The following ZNF280D variants were observed in gnomAD, a reference collection of about 807,000 sequenced individuals.
ZNF280D encodes the protein zinc finger protein 280D, also known as suppressor of hairy wing homolog 4.
ZNF280D carries 39 observed loss-of-function variants against 94.7 expected under a neutral mutation model. The ratio of observed to expected loss-of-function variants is 0.41; its 90% CI spans 0.32 to 0.54. The LOEUF (loss-of-function observed/expected upper bound fraction) is 0.54, where lower values mean the gene tolerates loss of function less well. ZNF280D is among the 20% of genes least tolerant of loss of function. The pLI, the probability that ZNF280D is intolerant of heterozygous loss-of-function variation, is 0.22. For missense variants in ZNF280D, 1,090 were observed against 1,149.3 expected (o/e 0.95, Z 0.75); for synonymous variants, 398 against 377.6 (o/e 1.05, Z -0.63).
chr15:56,646,700 AAGG>A (rs1214682761), intron 19 of ZNF280D, among the ~76,000 whole-genome samples: 2 of 152,172 alleles, frequency 1.3e-5, no homozygotes, highest in African/African-American at 4.8e-5. Context: ...CTCTCCTCTC[AAGG>A]AGTTCACTGT....
At chr15:56,639,867 G>A (rs1182334535) in intron 20 of ZNF280D, among the ~76,000 whole-genome samples, 2 of 152,038 alleles carry the variant, frequency 1.3e-5, no homozygotes, top group Non-Finnish European at 1.5e-5. Flanking sequence ...GGATAATCTT[G>A]ACATAACAAA....
chr15:56,632,140 T>C lies in ZNF280D; in HGVS notation c.2316-18A>G. On this transcript the variant is annotated intron_variant, in intron 21 of 21. Transcript: ENST00000267807. ...CTTGTTTACTGAAAAATAAAGTCAT[T>C]TATTATGTATTTCTTCATAAAGCAA... 8 of 1,517,632 alleles carry C rather than the reference T, an allele frequency of 5.3e-6. No homozygotes were observed. The highest frequency in any genetic ancestry group is 7.0e-6 in the Non-Finnish European group (8 of 1,134,758). The allele number at this position is 1,517,632 out of a possible 1,614,324, so 94.0% of individuals were successfully genotyped here. A position where few individuals can be genotyped will look rare whatever the true frequency, so the allele number is the denominator to read the frequency against.
At chr15:56,679,983 A>C (rs1318204774) in intron 10 of ZNF280D, among the ~76,000 whole-genome samples, 1 of 152,110 alleles carries the variant, frequency 6.6e-6, no homozygotes, top group African/African-American at 2.4e-5. Context: ...TCAGCACTTA[A>C]AGTCTATTAA....
intron 16 of ZNF280D, among the ~76,000 whole-genome samples, chr15:56,661,807 A>G (rs887489273): frequency 6.6e-6 from 1 of 152,220 alleles, no homozygotes; most frequent in African/African-American, 2.4e-5. Flanking sequence ...ATTAATAGCT[A>G]TCATTACTTG....
chr15:56,683,583 T>A (rs1192623196), intron 9 of ZNF280D, among the ~76,000 whole-genome samples: 1 of 152,190 alleles, frequency 6.6e-6, no homozygotes, highest in Non-Finnish European at 1.5e-5. Flanking sequence ...TCAGGCACCA[T>A]CTATCTATCA....
intron 9 of ZNF280D, among the ~76,000 whole-genome samples, chr15:56,682,945 T>C (rs567516684): frequency 1.1e-4 from 16 of 152,016 alleles, no homozygotes; most frequent in Non-Finnish European, 2.2e-4. Flanking sequence ...AATTATATAA[T>C]ATAGAATAGG....
At chr15:56,707,013 T>C (rs1481357660) in intron 3 of ZNF280D, 69 bp downstream of exon 3, 4 of 1,478,808 alleles carry the variant, frequency 2.7e-6, no homozygotes, top group Non-Finnish European at 3.8e-6. Context: ...CCAACTTTCA[T>C]CCTTTCTCCT....
In ZNF280D at chr15:56,631,740, T is replaced by A. The variant is rs1410310326; in HGVS notation, c.2698A>T (p.Arg900Ter). Residue 900 changes from arginine (R) to a stop codon, truncating the protein, a stop_gained, in exon 22 of 22, where the codon AGA becomes TGA. Coordinates refer to ENST00000267807, the MANE Select transcript of ZNF280D (RefSeq NM_017661.4). LOFTEE classifies it high-confidence loss of function. ...NVSIDQFLRK[R>*]HEPESVSSDV... ...GAACTAACAGATTCAGGTTCATGTC[T>A]TTTTCTCAAAAACTGATCAATGCTT... 6.2e-7 allele frequency: 1 copy of A among 1,614,164 alleles called. No individual in the cohort carries two copies. Among genetic ancestry groups the A allele is most frequent in the East Asian group, 2.2e-5 (1 of 44,872 alleles).
At position 56,663,448 on chromosome 15, in the gene ZNF280D, TC is replaced by T. The variant is rs1474019682; in HGVS notation, c.1994+2946del. ...TTAGTACGGGATAGGAATTAAAGGT[TC>T]TCATGCTTTGGAGAAAATCAGGCTT... On this transcript the variant is annotated intron_variant, in intron 16 of 21. Transcript: ENST00000267807. Among the ~76,000 whole-genome samples the T allele has an allele frequency of 3.9e-5, 6 of 152,134 alleles. No individual in the cohort carries two copies. In the East Asian group the frequency reaches 1.2e-3, roughly 29 times the overall value.
At chr15:56,671,109 T>C (rs1175779917) in intron 13 of ZNF280D, among the ~76,000 whole-genome samples, 5 of 152,150 alleles carry the variant, frequency 3.3e-5, no homozygotes, top group Admixed American at 1.3e-4. Context: ...AAAAATTTTC[T>C]CCCATTCTGT....
At chr15:56,727,898 C>T (rs572484204) in intron 1 of ZNF280D, among the ~76,000 whole-genome samples, 2 of 152,236 alleles carry the variant, frequency 1.3e-5, no homozygotes, top group African/African-American at 2.4e-5. Flanking sequence ...AAAGGAAATA[C>T]GGCATTCTCA....
At chr15:56,679,501 C>G (rs1041334396) in intron 10 of ZNF280D, among the ~76,000 whole-genome samples, 3 of 152,188 alleles carry the variant, frequency 2.0e-5, no homozygotes, top group African/African-American at 7.2e-5. Flanking sequence ...AGGCAACATA[C>G]ATTTTTCAGT....
chr15:56,642,557 T>C (rs546742789), intron 20 of ZNF280D, among the ~76,000 whole-genome samples: 19 of 151,846 alleles, frequency 1.3e-4, no homozygotes, highest in Admixed American at 5.9e-4. Context: ...AAAATATTTC[T>C]ATTTTAAAAA....
chr15:56,660,713 A>G (rs1487595348), intron 16 of ZNF280D, among the ~76,000 whole-genome samples: 2 of 152,182 alleles, frequency 1.3e-5, no homozygotes, highest in Non-Finnish European at 1.5e-5. Context: ...AGCTGACAGT[A>G]TATAATTATC....
chr15:56,701,351 C>G (rs1379560794), intron 4 of ZNF280D, 113 bp from the exon 5 acceptor site: 1 of 690,000 alleles, frequency 1.4e-6, no homozygotes, highest in African/African-American at 1.8e-5. Flanking sequence ...GAGTATATAA[C>G]TAATCACTGA....
chr15:56,643,590 A>T (rs2052731943), intron 19 of ZNF280D, among the ~76,000 whole-genome samples: 1 of 151,848 alleles, frequency 6.6e-6, no homozygotes, highest in African/African-American at 2.4e-5. Flanking sequence ...AATATTAATT[A>T]TAACTTATTA....
At chr15:56,729,900 T>G (rs1255674598) in intron 1 of ZNF280D, 1 of 152,244 alleles carries the variant, frequency 6.6e-6, no homozygotes, top group Non-Finnish European at 1.5e-5. Flanking sequence ...GTATATTTGT[T>G]GTAGGAGTGT....
chr15:56,677,080 G>A lies in ZNF280D; in HGVS notation c.1264-264C>T, dbSNP rs372058191. 2.6e-4 allele frequency among the ~76,000 whole-genome samples: 39 copies of A among 152,186 alleles called. 1 individual carries two copies. The South Asian group carries it at 6.6e-3, about 26-fold the overall frequency. On this transcript the variant is annotated intron_variant, in intron 12 of 21. Coordinates refer to ENST00000267807, the MANE Select transcript of ZNF280D (RefSeq NM_017661.4). ...CAGATCTTTTTATCTATCACCTTCT[G>A]TCTTGACTTGAAGTTTCAAGCTTTA...
chr15:56,654,408 G>C lies in ZNF280D; in HGVS notation c.2153C>G (p.Thr718Ser). The change falls in exon 18 of 22, where the codon ACT becomes AGT. Residue 718 changes from threonine (T) to serine (S), a missense_variant. By Grantham distance (58) the Thr-to-Ser change is moderately conservative. Coordinates refer to ENST00000267807, the MANE Select transcript of ZNF280D (RefSeq NM_017661.4). The part of the protein sequence containing the change: ...ATHLSQHKTH[T>S]CQVVMQKVSV... The stretch of plus-strand genomic sequence containing the variant: ...ACCTTTCTGCATTACAACTTGGCAA[G>C]TATGAGTTTTATGTTGACTTAAGTG... The C allele has an allele frequency of 1.9e-6, 3 of 1,605,992 alleles. No individual in the cohort carries two copies. Among genetic ancestry groups the C allele is most frequent in the South Asian group, 2.2e-5 (2 of 89,020 alleles).
Sources: gnomAD v4.1 joint callset for allele counts (sites outside exome capture counted in the v4.1 genomes callset) on GRCh38, gnomAD v4.1.1 for gene constraint, MANE v1.5 for transcripts, NCBI Gene and HGNC (gene_info 2026-07-23, HGNC 2026-07-21) for gene names.